LONP2: variants seen among roughly 807,000 people sequenced by gnomAD.
LONP2 encodes the protein lon protease homolog 2, peroxisomal.
In LONP2, 60 loss-of-function variants were observed where a neutral mutation model predicts 85.6. That is an observed-to-expected ratio of 0.70 (90% CI 0.57 to 0.87). LONP2 has a LOEUF of 0.87. Ranked by LOEUF, LONP2 falls within the 40% of genes least tolerant of loss-of-function variation. The pLI is 0.00. For missense variants in LONP2, 860 were observed against 1,063.5 expected, an observed-to-expected ratio of 0.81 and a Z score of 2.66; for synonymous variants, 395 against 389.7, an observed-to-expected ratio of 1.01 and a Z score of -0.16.
chr16:48,314,094 A>G (rs1973091483), intron 11 of LONP2, among the ~76,000 whole-genome samples: 1 of 151,296 alleles, frequency 6.6e-6, no homozygotes, highest in East Asian at 1.9e-4. Context: ...TGTTGGCAAC[A>G]TAATGTCTTC....
intron 1 of LONP2, among the ~76,000 whole-genome samples, chr16:48,247,045 A>G (rs1269328297): frequency 1.3e-5 from 2 of 152,312 alleles, no homozygotes; most frequent in South Asian, 2.1e-4. Flanking sequence ...GAAAACATAT[A>G]TTGAAAAGTC....
chr16:48,331,566 CTTT>C (rs1022632125), intron 11 of LONP2, among the ~76,000 whole-genome samples: 8 of 139,846 alleles, frequency 5.7e-5, no homozygotes, highest in Admixed American at 1.4e-4. Flanking sequence ...AAAGGATTTT[CTTT>C]TTTTTTTTTT....
intron 7 of LONP2, among the ~76,000 whole-genome samples, chr16:48,276,009 A>G (rs917259331): frequency 4.6e-5 from 7 of 152,358 alleles, no homozygotes; most frequent in Admixed American, 3.3e-4. Context: ...ATGACCCATT[A>G]GAGCCTTTGA....
intron 6 of LONP2, 25 bp downstream of exon 6, chr16:48,262,897 T>C: frequency 6.9e-7 from 1 of 1,454,204 alleles, no homozygotes; most frequent in Non-Finnish European, 9.6e-7. Flanking sequence ...AACACCTGTT[T>C]TGCAGTCTAA....
downstream of LONP2, chr16:48,361,087 A>G (rs902353593): frequency 1.3e-5 from 2 of 152,832 alleles, no homozygotes; most frequent in Non-Finnish European, 2.9e-5. Context: ...TGAAAAACTA[A>G]AATTAATAAA....
At chr16:48,262,425 T>C (rs943035985) in intron 5 of LONP2, among the ~76,000 whole-genome samples, 2 of 152,226 alleles carry the variant, frequency 1.3e-5, no homozygotes, top group African/African-American at 4.8e-5. Flanking sequence ...GAATTAGATA[T>C]AATGTTTTCT....
At chr16:48,341,920 G>T (rs138641625) in intron 12 of LONP2, among the ~76,000 whole-genome samples, 145 of 152,258 alleles carry the variant, frequency 9.5e-4, no homozygotes, top group African/African-American at 3.2e-3. Flanking sequence ...GGTGGGCCTA[G>T]GCACCTCCTC....
chr16:48,311,624 CT>C (rs1286132385), intron 11 of LONP2, among the ~76,000 whole-genome samples: 1 of 151,734 alleles, frequency 6.6e-6, no homozygotes, highest in South Asian at 2.1e-4. Context: ...TGTTGAGCTA[CT>C]TTTTTTCTTT....
chr16:48,328,267 C>T (rs751932294), intron 11 of LONP2, among the ~76,000 whole-genome samples: 11 of 151,674 alleles, frequency 7.3e-5, no homozygotes, highest in South Asian at 2.1e-4. Context: ...AAAATTGGGC[C>T]GGGCGCGGTG....
chr16:48,267,655 G>A (rs150015773), intron 6 of LONP2, among the ~76,000 whole-genome samples: 1,861 of 151,050 alleles, frequency 0.012, 38 homozygotes, highest in African/African-American at 0.043. Flanking sequence ...TTGCCCTGTC[G>A]GCCAGGCTGT....
chr16:48,292,903 TC>T (rs1567326573), intron 8 of LONP2, among the ~76,000 whole-genome samples: 3 of 152,258 alleles, frequency 2.0e-5, no homozygotes, highest in Non-Finnish European at 4.4e-5. Flanking sequence ...CTAGAGTTTT[TC>T]TTTTAACAAG....
intron 7 of LONP2, among the ~76,000 whole-genome samples, chr16:48,272,966 C>T (rs1019379576): frequency 6.6e-6 from 1 of 152,130 alleles, no homozygotes; most frequent in African/African-American, 2.4e-5. Context: ...GAACAACCGA[C>T]AATTCCAGCA....
chr16:48,281,918 T>C (rs897818403), intron 8 of LONP2, among the ~76,000 whole-genome samples: 3 of 152,234 alleles, frequency 2.0e-5, no homozygotes, highest in Non-Finnish European at 4.4e-5. Context: ...CATCATCTAA[T>C]CCAGCTTCAT....
intron 11 of LONP2, among the ~76,000 whole-genome samples, chr16:48,311,082 A>G (rs1973020247): frequency 6.6e-6 from 1 of 152,018 alleles, no homozygotes; most frequent in Admixed American, 6.5e-5. Flanking sequence ...GTATTTAGGG[A>G]TTTTCCCTTC....
At chr16:48,304,776 T>C (rs1160939337) in intron 11 of LONP2, among the ~76,000 whole-genome samples, 2 of 152,230 alleles carry the variant, frequency 1.3e-5, no homozygotes, top group African/African-American at 2.4e-5. Context: ...TCTCAGTTCA[T>C]CATATCATGC....
chr16:48,271,905 A>G (rs959512893), intron 7 of LONP2, among the ~76,000 whole-genome samples: 2 of 152,188 alleles, frequency 1.3e-5, no homozygotes, highest in African/African-American at 2.4e-5. Context: ...GCTTTCGTAA[A>G]GGAATTGGCA....
intron 11 of LONP2, among the ~76,000 whole-genome samples, chr16:48,331,160 A>T (rs1206228247): frequency 6.6e-6 from 1 of 152,260 alleles, no homozygotes; most frequent in African/African-American, 2.4e-5. Flanking sequence ...ATAGTGTAGT[A>T]ACCTTAGACA....
chr16:48,304,207 A>G (rs1411592707), intron 11 of LONP2, among the ~76,000 whole-genome samples: 1 of 152,274 alleles, frequency 6.6e-6, no homozygotes, highest in Admixed American at 6.5e-5. Context: ...AGTTTTTACA[A>G]CATAAGACAA....
chr16:48,274,650 A>C (rs1972169302), intron 7 of LONP2, among the ~76,000 whole-genome samples: 1 of 151,782 alleles, frequency 6.6e-6, no homozygotes, highest in South Asian at 2.1e-4. Flanking sequence ...ATACACACAC[A>C]CACCCACACA....
Sources: allele counts gnomAD v4.1 joint callset (sites outside exome capture counted in the v4.1 genomes callset), GRCh38; gene constraint gnomAD v4.1.1; transcripts MANE v1.5; gene names NCBI Gene and HGNC (gene_info 2026-07-23, HGNC 2026-07-21).